Variants in XKR9 observed in about 807,000 individuals in gnomAD.
The protein encoded by XKR9 is XK-related protein 9.
Under a neutral mutation model 32.0 loss-of-function variants are expected in XKR9, and 32 were observed. The observed-to-expected ratio is 1.00, with a 90% CI of 0.76 to 1.34. XKR9 has a LOEUF of 1.34. XKR9 is among the 40% of genes most tolerant of loss of function. The probability of loss-of-function intolerance (pLI) is 0.00; values close to 1 mark genes in which losing one functional copy is unlikely to be tolerated. For synonymous variants in XKR9, 168 were observed against 143.4 expected (o/e 1.17, Z -1.22); for missense variants, 546 against 429.7 (o/e 1.27, Z -2.39).
the XKR9 span, among the ~76,000 whole-genome samples, chr8:71,028,862 T>C: frequency 2.1e-4 from 32 of 152,142 alleles, no homozygotes; most frequent in African/African-American, 7.5e-4. Context: ...CTCTTTCTTT[T>C]TGTAGAGGCT....
chr8:70,883,174 A>C, the XKR9 span, among the ~76,000 whole-genome samples: 1 of 150,528 alleles, frequency 6.6e-6, no homozygotes, highest in Non-Finnish European at 1.5e-5. Context: ...TTATCACTCT[A>C]TATGTCCTTG....
the XKR9 span, among the ~76,000 whole-genome samples, chr8:70,822,113 G>T: frequency 1.3e-5 from 2 of 152,186 alleles, no homozygotes; most frequent in Admixed American, 6.5e-5. Flanking sequence ...ATTAAAAGAG[G>T]CTATAGATGC....
chr8:70,983,275 C>G, the XKR9 span, among the ~76,000 whole-genome samples: 8 of 152,246 alleles, frequency 5.3e-5, no homozygotes, highest in Admixed American at 5.2e-4. Flanking sequence ...TTCTTTTGAT[C>G]TTAGCCATGT....
intron 1 of XKR9, among the ~76,000 whole-genome samples, chr8:70,670,179 C>G (rs1426581168): frequency 6.6e-6 from 1 of 152,156 alleles, no homozygotes; most frequent in Non-Finnish European, 1.5e-5. Context: ...TCCTACCTGC[C>G]TCGCACTAAC....
intron 3 of XKR9, among the ~76,000 whole-genome samples, chr8:70,698,837 A>T (rs1158438175): frequency 2.0e-5 from 3 of 151,922 alleles, no homozygotes; most frequent in African/African-American, 4.8e-5. Flanking sequence ...TTTGTAGGTC[A>T]CTCGGGACTT....
At chr8:71,055,275 A>G in the XKR9 span, among the ~76,000 whole-genome samples, 95 of 152,350 alleles carry the variant, frequency 6.2e-4, no homozygotes, top group African/African-American at 2.1e-3. Context: ...GATGGAAGGT[A>G]TTTGAAGTAT....
the XKR9 span, among the ~76,000 whole-genome samples, chr8:70,938,991 G>A: frequency 2.0e-5 from 3 of 150,968 alleles, no homozygotes; most frequent in African/African-American, 7.3e-5. Context: ...TTTTTCAGGG[G>A]GTGGTTTTGT....
the XKR9 span, among the ~76,000 whole-genome samples, chr8:71,025,705 A>G: frequency 6.6e-6 from 1 of 152,096 alleles, no homozygotes. Flanking sequence ...CTTTCCTTTT[A>G]AGCTTGAATT....
the XKR9 span, among the ~76,000 whole-genome samples, chr8:70,963,978 A>G: frequency 6.6e-6 from 1 of 151,994 alleles, no homozygotes; most frequent in Non-Finnish European, 1.5e-5. Context: ...ATTAGATCCC[A>G]TTTGTCAATT....
chr8:71,030,685 G>T, the XKR9 span, among the ~76,000 whole-genome samples: 485 of 152,242 alleles, frequency 3.2e-3, 2 homozygotes, highest in African/African-American at 0.011. Flanking sequence ...GAGAGTTTAG[G>T]CACTTAACCC....
In XKR9 at chr8:70,734,645, C is replaced by G; in HGVS notation, c.*221C>G. 1 of 406,996 alleles carries G rather than the reference C, an allele frequency of 2.5e-6. No individual in the cohort carries two copies. The highest frequency in any genetic ancestry group is 3.8e-6 in the Non-Finnish European group (1 of 265,878). 25.2% of individuals were successfully genotyped at this position (406,996 alleles called of 1,614,324 possible). On this transcript the variant is annotated 3_prime_UTR_variant, in exon 5 of 5. Coordinates refer to ENST00000408926, the MANE Select transcript of XKR9 (RefSeq NM_001011720.2). Reference sequence around the variant, plus strand: ...GATATCTTTCTACTGCCTGGTAGAGCTGCCATCTTGAGCCTGAAATATAAG... The same window carrying G: ...GATATCTTTCTACTGCCTGGTAGAGGTGCCATCTTGAGCCTGAAATATAAG...
At chr8:70,740,260 T>G (rs202190804), downstream of XKR9, among the ~76,000 whole-genome samples, 3 of 152,092 alleles carry the variant, frequency 2.0e-5, no homozygotes, top group Non-Finnish European at 4.4e-5. Context: ...TTGATCGCAT[T>G]GGCTCCTGAG....
downstream of XKR9, among the ~76,000 whole-genome samples, chr8:70,793,357 CAATGGATT>C (rs929278446): frequency 1.3e-5 from 2 of 151,920 alleles, no homozygotes; most frequent in African/African-American, 4.8e-5. Context: ...ATACATTAAT[CAATGGATT>C]AATGGATTAA....
In XKR9 at chr8:70,669,449, G is replaced by T. The variant is rs999669098; in HGVS notation, c.-450G>T. 43 of 327,302 alleles carry T rather than the reference G, an allele frequency of 1.3e-4. No individual in the cohort carries two copies. The highest frequency in any genetic ancestry group is 9.3e-4 in the Middle Eastern group (1 of 1,076). The allele number at this position is 327,302 out of a possible 1,614,324, so 20.3% of individuals were successfully genotyped here. A position where few individuals can be genotyped will look rare whatever the true frequency, so the allele number is the denominator to read the frequency against. ...ATCTGCCTCTGTCACGGGGGCTGGT[G>T]CCTCACGGGTTTGTGTCCTAGACAG... On this transcript the variant is annotated 5_prime_UTR_variant, in exon 1 of 5. Coordinates refer to ENST00000408926, the MANE Select transcript of XKR9 (RefSeq NM_001011720.2).
chr8:70,898,988 A>G, the XKR9 span, among the ~76,000 whole-genome samples: 1 of 152,244 alleles, frequency 6.6e-6, no homozygotes, highest in East Asian at 1.9e-4. Flanking sequence ...ATCATAGCTC[A>G]CTGCAGCCTT....
the XKR9 span, among the ~76,000 whole-genome samples, chr8:70,816,833 A>G: frequency 6.6e-6 from 1 of 152,206 alleles, no homozygotes; most frequent in Non-Finnish European, 1.5e-5. Flanking sequence ...CAAATCAATA[A>G]TTGTGATTCA....
the XKR9 span, among the ~76,000 whole-genome samples, chr8:70,965,475 C>T: frequency 1.3e-5 from 2 of 152,026 alleles, no homozygotes; most frequent in East Asian, 1.9e-4. Context: ...AAATTAGTTG[C>T]GGAGGAGTAC....
the XKR9 span, among the ~76,000 whole-genome samples, chr8:71,001,627 G>A: frequency 6.6e-6 from 1 of 152,150 alleles, no homozygotes; most frequent in Admixed American, 6.5e-5. Flanking sequence ...GCTTACTCAA[G>A]TGAATCTACT....
the XKR9 span, among the ~76,000 whole-genome samples, chr8:70,921,958 A>T: frequency 6.6e-6 from 1 of 152,162 alleles, no homozygotes; most frequent in African/African-American, 2.4e-5. Flanking sequence ...ATACATGATG[A>T]TATCTGGAAA....
Sources: gnomAD v4.1 joint callset for allele counts (sites outside exome capture counted in the v4.1 genomes callset) on GRCh38, gnomAD v4.1.1 for gene constraint, MANE v1.5 for transcripts, NCBI Gene and HGNC (gene_info 2026-07-23, HGNC 2026-07-21) for gene names.